EBF2: variants seen among roughly 807,000 people sequenced by gnomAD.
The protein encoded by EBF2 is transcription factor COE2.
In EBF2, 21 loss-of-function variants were observed where a neutral mutation model predicts 72.8. The observed-to-expected ratio is 0.29, with a 90% CI of 0.20 to 0.42. The LOEUF (loss-of-function observed/expected upper bound fraction) is 0.42. Among genes scored for constraint, EBF2 ranks in the 10% least tolerant of loss-of-function variants. EBF2 has a pLI of 1.00. For synonymous variants in EBF2, 299 were observed against 274.2 expected (o/e 1.09, Z -0.89); for missense variants, 637 against 731.2 (o/e 0.87, Z 1.49).
intron 6 of EBF2, among the ~76,000 whole-genome samples, chr8:25,975,302 G>T (rs1804251567): frequency 6.6e-6 from 1 of 152,132 alleles, no homozygotes; most frequent in Non-Finnish European, 1.5e-5. Flanking sequence ...GGCCTTGGAG[G>T]TTTCATTCTC....
intron 7 of EBF2, among the ~76,000 whole-genome samples, chr8:25,900,767 C>G (rs1281494990): frequency 6.6e-6 from 1 of 151,232 alleles, no homozygotes; most frequent in Non-Finnish European, 1.5e-5. Context: ...CACATGTACC[C>G]TAAAACTTAA....
At chr8:25,860,021 T>A (rs1374032982) in intron 13 of EBF2, among the ~76,000 whole-genome samples, 1 of 152,000 alleles carries the variant, frequency 6.6e-6, no homozygotes, top group Non-Finnish European at 1.5e-5. Flanking sequence ...CCGGCTCACC[T>A]ACTCTTTTGT....
chr8:25,869,192 C>T (rs1478725518), intron 10 of EBF2, among the ~76,000 whole-genome samples: 1 of 152,188 alleles, frequency 6.6e-6, no homozygotes, highest in Non-Finnish European at 1.5e-5. Context: ...GTCTGGGCCA[C>T]TGAAATAAGA....
intron 6 of EBF2, among the ~76,000 whole-genome samples, chr8:25,973,156 T>C (rs769274347): frequency 2.0e-5 from 3 of 152,144 alleles, no homozygotes; most frequent in Non-Finnish European, 4.4e-5. Context: ...TTTATTTACC[T>C]GAGAGAACCA....
intron 9 of EBF2, 128 bp from the exon 10 acceptor site, chr8:25,887,009 G>A (rs1416271953): frequency 2.1e-6 from 2 of 973,276 alleles, no homozygotes; most frequent in Non-Finnish European, 2.9e-6. Flanking sequence ...TCTAACTGGA[G>A]TACTCCTAGC....
At chr8:25,874,978 G>C (rs1802498754) in intron 10 of EBF2, among the ~76,000 whole-genome samples, 1 of 151,332 alleles carries the variant, frequency 6.6e-6, no homozygotes, top group African/African-American at 2.4e-5. Flanking sequence ...GAACCATGGT[G>C]CCTGGCTTCT....
At chr8:25,923,818 CT>C (rs893721426) in intron 6 of EBF2, among the ~76,000 whole-genome samples, 2 of 152,028 alleles carry the variant, frequency 1.3e-5, no homozygotes, top group African/African-American at 4.8e-5. Context: ...ATAACAAAGC[CT>C]TTTTTAGTAG....
chr8:25,948,924 T>C (rs1803814282), intron 6 of EBF2, among the ~76,000 whole-genome samples: 1 of 152,176 alleles, frequency 6.6e-6, no homozygotes. Context: ...TGTGCGTTAC[T>C]GCGTGTGAGT....
At chr8:25,958,547 C>A (rs560112991) in intron 6 of EBF2, among the ~76,000 whole-genome samples, 77 of 152,242 alleles carry the variant, frequency 5.1e-4, no homozygotes, top group African/African-American at 1.7e-3. Flanking sequence ...AGCTTTGTGC[C>A]AAATCCCCAT....
intron 6 of EBF2, among the ~76,000 whole-genome samples, chr8:25,927,811 G>A (rs1803410600): frequency 6.6e-6 from 1 of 152,120 alleles, no homozygotes; most frequent in Non-Finnish European, 1.5e-5. Flanking sequence ...TTATAGTGCA[G>A]AAATAATTAA....
chr8:25,913,903 G>A (rs537403655), intron 6 of EBF2, among the ~76,000 whole-genome samples: 39 of 152,290 alleles, frequency 2.6e-4, no homozygotes, highest in African/African-American at 7.7e-4. Flanking sequence ...ATACAATTGA[G>A]TTTCATTGTT....
Position 26,013,103 on chromosome 8 carries a change from G to A in EBF2, c.551+19982C>T, listed in dbSNP as rs569668959. On this transcript the variant is annotated intron_variant, in intron 6 of 15. Transcript: ENST00000520164. Reference sequence around the variant, plus strand: ...TCTGGAAGGGGGTTAAGAAGTGCTGGTTTTGGGAGGAGTATCTCACTAAAG... The same window carrying A: ...TCTGGAAGGGGGTTAAGAAGTGCTGATTTTGGGAGGAGTATCTCACTAAAG... Among the ~76,000 whole-genome samples the A allele has an allele frequency of 3.9e-5, 6 of 152,308 alleles. No individual in the cohort carries two copies. In the East Asian group the frequency reaches 9.6e-4, roughly 24 times the overall value.
intron 10 of EBF2, among the ~76,000 whole-genome samples, chr8:25,874,835 C>T (rs1401599582): frequency 6.6e-6 from 1 of 151,396 alleles, no homozygotes; most frequent in Non-Finnish European, 1.5e-5. Flanking sequence ...CAAGCCCATG[C>T]CCCACCAGCC....
chr8:25,940,145 G>A (rs755110012), intron 6 of EBF2, among the ~76,000 whole-genome samples: 75 of 152,152 alleles, frequency 4.9e-4, no homozygotes, highest in South Asian at 1.0e-3. Flanking sequence ...TATTAGAACT[G>A]GAAGAGACCT....
Position 25,889,929 on chromosome 8 carries a change from A to T in EBF2, c.634-60T>A. On this transcript the variant is annotated intron_variant, in intron 7 of 15. Transcript: ENST00000520164. ...CAGTGGAATTAGTTTCACATGAAGTAGCAAATGCACCAAAATTCTGTTTTG... is the reference window on the plus strand; with the variant it reads ...CAGTGGAATTAGTTTCACATGAAGTTGCAAATGCACCAAAATTCTGTTTTG... 5.6e-6 allele frequency: 8 copies of T among 1,430,298 alleles called. No homozygotes were observed. The South Asian group carries it at 6.9e-5, about 12-fold the overall frequency. The allele number at this position is 1,430,298 out of a possible 1,614,324, so 88.6% of individuals were successfully genotyped here.
At chr8:25,926,396 T>C (rs1469622099) in intron 6 of EBF2, among the ~76,000 whole-genome samples, 2 of 152,182 alleles carry the variant, frequency 1.3e-5, no homozygotes, top group African/African-American at 4.8e-5. Flanking sequence ...TCTTCCCAAG[T>C]TGGCTAAGAA....
At chr8:26,029,248 C>G (rs1805353707) in intron 6 of EBF2, among the ~76,000 whole-genome samples, 1 of 152,148 alleles carries the variant, frequency 6.6e-6, no homozygotes, top group African/African-American at 2.4e-5. Context: ...CATGGACTCA[C>G]CAGAAAGCCA....
intron 6 of EBF2, among the ~76,000 whole-genome samples, chr8:25,952,418 A>C (rs1257388710): frequency 6.6e-6 from 1 of 152,104 alleles, no homozygotes; most frequent in African/African-American, 2.4e-5. Flanking sequence ...TATGCATTTT[A>C]AATAAAAATA....
At chr8:25,977,510 C>T (rs1361456068) in intron 6 of EBF2, among the ~76,000 whole-genome samples, 1 of 152,090 alleles carries the variant, frequency 6.6e-6, no homozygotes, top group African/African-American at 2.4e-5. Context: ...TCTCTCTCGC[C>T]CCCAGCTATG....
Sources: allele counts gnomAD v4.1 joint callset (sites outside exome capture counted in the v4.1 genomes callset), GRCh38; gene constraint gnomAD v4.1.1; transcripts MANE v1.5; gene names NCBI Gene and HGNC (gene_info 2026-07-23, HGNC 2026-07-21).